GALNT10: variants seen among roughly 807,000 people sequenced by gnomAD.
GALNT10 encodes GalNAc transferase 10.
GALNT10 carries 41 observed loss-of-function variants against 75.0 expected under a neutral mutation model. That is an observed-to-expected ratio of 0.55 (90% CI 0.43 to 0.71). The LOEUF (loss-of-function observed/expected upper bound fraction) is 0.71, where lower values mean the gene tolerates loss of function less well. Among genes scored for constraint, GALNT10 ranks in the 30% least tolerant of loss-of-function variants. The probability of loss-of-function intolerance (pLI) is 0.00; values close to 1 mark genes in which losing one functional copy is unlikely to be tolerated. For missense variants in GALNT10, 727 were observed against 818.5 expected (o/e 0.89, Z 1.36); for synonymous variants, 302 against 313.0 (o/e 0.96, Z 0.37).
intron 1 of GALNT10, among the ~76,000 whole-genome samples, chr5:154,266,023 T>A (rs1038165666): frequency 1.3e-5 from 2 of 152,108 alleles, no homozygotes; most frequent in Non-Finnish European, 2.9e-5. Flanking sequence ...CAGCCTGAGG[T>A]GATAATCAGA....
chr5:154,301,799 C>T (rs1463052108), intron 3 of GALNT10, among the ~76,000 whole-genome samples: 1 of 152,124 alleles, frequency 6.6e-6, no homozygotes, highest in African/African-American at 2.4e-5. Context: ...CACAGGCTCC[C>T]CCAGCCTGGC....
chr5:154,296,557 G>A (rs1399065936), intron 2 of GALNT10, among the ~76,000 whole-genome samples: 2 of 152,136 alleles, frequency 1.3e-5, no homozygotes, highest in Non-Finnish European at 2.9e-5. Flanking sequence ...TATGTGCCAG[G>A]CATCTTGCCT....
At chr5:154,332,189 A>C (rs1475082366) in intron 4 of GALNT10, among the ~76,000 whole-genome samples, 1 of 152,194 alleles carries the variant, frequency 6.6e-6, no homozygotes, top group African/African-American at 2.4e-5. Flanking sequence ...GAACTGCTCA[A>C]GTGATTGATT....
intron 1 of GALNT10, among the ~76,000 whole-genome samples, chr5:154,227,945 G>T (rs1185032548): frequency 6.6e-6 from 1 of 152,042 alleles, no homozygotes; most frequent in Non-Finnish European, 1.5e-5. Flanking sequence ...TCATGGAGGT[G>T]GATCCCTCAT....
intron 4 of GALNT10, among the ~76,000 whole-genome samples, chr5:154,362,341 C>T (rs1236174651): frequency 2.0e-5 from 3 of 152,156 alleles, no homozygotes; most frequent in Non-Finnish European, 2.9e-5. Flanking sequence ...TCCCAGCCCA[C>T]GTTGCCTCAC....
intron 4 of GALNT10, among the ~76,000 whole-genome samples, chr5:154,369,185 C>T (rs750177217): frequency 1.3e-5 from 2 of 152,044 alleles, no homozygotes; most frequent in African/African-American, 2.4e-5. Flanking sequence ...ATCAGAAGTT[C>T]GAGACCAGCC....
intron 3 of GALNT10, among the ~76,000 whole-genome samples, chr5:154,306,576 G>A (rs946607930): frequency 6.6e-6 from 1 of 152,178 alleles, no homozygotes; most frequent in Non-Finnish European, 1.5e-5. Flanking sequence ...TAGAAAAAAA[G>A]AATGGTCTAA....
At position 154,416,934 on chromosome 5, in the gene GALNT10, A is replaced by G. The variant is rs765242816; in HGVS notation, c.1774A>G (p.Thr592Ala). Residue 592 changes from threonine (T) to alanine (A), a missense_variant, in exon 12 of 12, where the codon ACC becomes GCC. Coordinates refer to ENST00000297107, the MANE Select transcript of GALNT10 (RefSeq NM_198321.4). This position sits in a 1 kb window ranked among gnomAD's most constrained non-coding sequence, Gnocchi z 4.5. ...CACCCAGCAGTGGCTGTTTGAACACACCAACTCAACAGTCTTGGAAAAATT... is the reference window on the plus strand; with the variant it reads ...CACCCAGCAGTGGCTGTTTGAACACGCCAACTCAACAGTCTTGGAAAAATT... ...SLTQQWLFEH[T>A]NSTVLEKFNR... 42 of 1,614,038 alleles carry G rather than the reference A, an allele frequency of 2.6e-5. No individual in the cohort carries two copies. The highest frequency in any genetic ancestry group is 4.0e-5 in the African/African-American group (3 of 74,914).
intron 7 of GALNT10, among the ~76,000 whole-genome samples, chr5:154,400,183 G>A (rs972430272): frequency 3.9e-5 from 6 of 152,278 alleles, no homozygotes; most frequent in African/African-American, 1.2e-4. Flanking sequence ...TAAACTAGCC[G>A]TAGCCGAGAA....
chr5:154,242,340 G>A (rs995220428), intron 1 of GALNT10, among the ~76,000 whole-genome samples: 2 of 152,102 alleles, frequency 1.3e-5, no homozygotes, highest in African/African-American at 4.8e-5. Context: ...CTTTTCTGGT[G>A]GTAGCCCAGA....
chr5:154,268,189 T>G (rs1048800753), intron 1 of GALNT10, among the ~76,000 whole-genome samples: 3 of 152,206 alleles, frequency 2.0e-5, no homozygotes, highest in Non-Finnish European at 2.9e-5. Context: ...GCCAAGCACC[T>G]TGTAAGGGAG....
At chr5:154,218,351 G>A (rs1752916153) in intron 1 of GALNT10, among the ~76,000 whole-genome samples, 3 of 152,134 alleles carry the variant, frequency 2.0e-5, no homozygotes, top group Admixed American at 2.0e-4. Context: ...TGGGCTCGGG[G>A]ATCAATAGCA....
chr5:154,418,038 A>C lies in GALNT10; in HGVS notation c.*1066A>C, dbSNP rs1025581884. The C allele has an allele frequency of 6.6e-6, 1 of 152,190 alleles. No homozygotes were observed. Among genetic ancestry groups the C allele is most frequent in the Non-Finnish European group, 1.5e-5 (1 of 68,048 alleles). The allele number at this position is 152,190 out of a possible 1,614,324, so 9.4% of individuals were successfully genotyped here. A position where few individuals can be genotyped will look rare whatever the true frequency, so the allele number is the denominator to read the frequency against. Reference sequence around the variant, plus strand: ...AAAGAACTCTATAATTGGATTGCAAACTAGGATGCTACATAGGATTCTGGT... The same window carrying C: ...AAAGAACTCTATAATTGGATTGCAACCTAGGATGCTACATAGGATTCTGGT... On this transcript the variant is annotated 3_prime_UTR_variant, in exon 12 of 12. Coordinates refer to ENST00000297107, the MANE Select transcript of GALNT10 (RefSeq NM_198321.4).
chr5:154,284,676 C>G (rs1754087429), intron 1 of GALNT10, among the ~76,000 whole-genome samples: 1 of 152,198 alleles, frequency 6.6e-6, no homozygotes, highest in African/African-American at 2.4e-5. Context: ...TTCAAAACCT[C>G]TTGTGAATTG....
chr5:154,386,295 G>T lies in GALNT10; in HGVS notation c.939-18G>T. 1 of 1,586,284 alleles carries T rather than the reference G, an allele frequency of 6.3e-7. No individual in the cohort carries two copies. The highest frequency in any genetic ancestry group is 1.1e-5 in the South Asian group (1 of 90,364). On this transcript the variant is annotated intron_variant, in intron 6 of 11. Transcript: ENST00000297107. The stretch of plus-strand genomic sequence containing the variant: ...CAGGACATCTGCACCTTCACACCAT[G>T]TTCTTCTTCTCTGACAGGTCTCCCG...
intron 4 of GALNT10, among the ~76,000 whole-genome samples, chr5:154,375,825 A>C (rs375320824): frequency 5.8e-4 from 88 of 152,306 alleles, no homozygotes; most frequent in Non-Finnish European, 9.8e-4. Flanking sequence ...TCCCTGAAAC[A>C]ATCACTGTGG....
chr5:154,362,520 C>T (rs10214034), intron 4 of GALNT10, among the ~76,000 whole-genome samples: 1,705 of 152,264 alleles, frequency 0.011, 29 homozygotes, highest in African/African-American at 0.039. Flanking sequence ...AGTCTCTCTA[C>T]GCTAATTACT....
intron 3 of GALNT10, among the ~76,000 whole-genome samples, chr5:154,325,357 TTAA>T (rs1243495874): frequency 6.6e-6 from 1 of 152,160 alleles, no homozygotes; most frequent in Admixed American, 6.6e-5. Flanking sequence ...AGTAGCTATA[TTAA>T]TGTTAAGAAT....
intron 4 of GALNT10, among the ~76,000 whole-genome samples, chr5:154,349,129 A>G (rs969080502): frequency 2.6e-5 from 4 of 152,124 alleles, no homozygotes; most frequent in Non-Finnish European, 5.9e-5. Context: ...AATAAAAATA[A>G]TCAGGAAAGG....
Sources: allele counts gnomAD v4.1 joint callset (sites outside exome capture counted in the v4.1 genomes callset), GRCh38; gene constraint gnomAD v4.1.1; non-coding constraint Gnocchi (gnomAD v3.1); transcripts MANE v1.5; gene names NCBI Gene and HGNC (gene_info 2026-07-23, HGNC 2026-07-21).